Variants in ARFIP1 observed in about 807,000 individuals in gnomAD.
The protein encoded by ARFIP1 is arfaptin-1.
A neutral mutation model predicts 42.5 loss-of-function variants in ARFIP1; 24 were observed. That is an observed-to-expected ratio of 0.57 (90% confidence interval 0.41 to 0.80). The LOEUF (loss-of-function observed/expected upper bound fraction) is 0.80, where lower values mean the gene tolerates loss of function less well. ARFIP1 is among the 30% of genes least tolerant of loss of function. The pLI, the probability that ARFIP1 is intolerant of heterozygous loss-of-function variation, is 0.00. For missense variants in ARFIP1, 354 were observed against 434.0 expected, an observed-to-expected ratio of 0.82 and a Z score of 1.64; for synonymous variants, 141 against 153.7, an observed-to-expected ratio of 0.92 and a Z score of 0.61.
intron 1 of ARFIP1, among the ~76,000 whole-genome samples, chr4:152,815,738 CTTTTTTTTTT>C: frequency 1.2e-5 from 1 of 85,568 alleles, no homozygotes; most frequent in South Asian, 4.5e-4. Context: ...CTGACCACTT[CTTTTTTTTTT>C]TTTTTTTTTT....
At chr4:152,839,133 A>G (rs1248526017) in intron 2 of ARFIP1, among the ~76,000 whole-genome samples, 1 of 152,176 alleles carries the variant, frequency 6.6e-6, no homozygotes, top group Non-Finnish European at 1.5e-5. Context: ...TATGAAACCC[A>G]CTTGATCATG....
intron 1 of ARFIP1, among the ~76,000 whole-genome samples, chr4:152,786,934 C>T (rs1730844647): frequency 6.6e-6 from 1 of 152,216 alleles, no homozygotes; most frequent in Admixed American, 6.5e-5. Flanking sequence ...CTTCACACCT[C>T]AGCTGAAGTT....
At chr4:152,897,885 T>G (rs1737477612) in intron 8 of ARFIP1, among the ~76,000 whole-genome samples, 1 of 152,162 alleles carries the variant, frequency 6.6e-6, no homozygotes, top group Non-Finnish European at 1.5e-5. Flanking sequence ...GTAGTTATGG[T>G]TCCTTCAGTT....
intron 8 of ARFIP1, among the ~76,000 whole-genome samples, chr4:152,890,876 A>G (rs1478972211): frequency 1.3e-5 from 2 of 152,180 alleles, no homozygotes; most frequent in Non-Finnish European, 2.9e-5. Flanking sequence ...TCTATTCTCA[A>G]GGATTTTATG....
At chr4:152,794,556 C>G (rs1401010706) in intron 1 of ARFIP1, among the ~76,000 whole-genome samples, 1 of 152,150 alleles carries the variant, frequency 6.6e-6, no homozygotes, top group East Asian at 1.9e-4. Context: ...AAGTTACTAT[C>G]TTTCCCTTTT....
At chr4:152,846,597 A>G (rs752717441) in intron 2 of ARFIP1, among the ~76,000 whole-genome samples, 2 of 145,960 alleles carry the variant, frequency 1.4e-5, no homozygotes, top group African/African-American at 2.4e-5. Flanking sequence ...AGGAATAAAT[A>G]GGAAAATTGC....
chr4:152,870,164 C>T (rs1189760430), intron 3 of ARFIP1, among the ~76,000 whole-genome samples: 1 of 152,108 alleles, frequency 6.6e-6, no homozygotes. Context: ...TTCTAACAAG[C>T]GTCCAGGTGA....
intron 5 of ARFIP1, among the ~76,000 whole-genome samples, chr4:152,877,330 A>C (rs1321338601): frequency 6.6e-6 from 1 of 152,142 alleles, no homozygotes; most frequent in Admixed American, 6.5e-5. Flanking sequence ...TGAGACCTGG[A>C]GATCATTTTG....
chr4:152,899,014 C>G (rs1376853770), intron 8 of ARFIP1, among the ~76,000 whole-genome samples: 2 of 152,156 alleles, frequency 1.3e-5, no homozygotes, highest in African/African-American at 4.8e-5. Context: ...AGCACAGGGT[C>G]TGCTGATCCC....
In ARFIP1 at chr4:152,904,180, G is replaced by GTA. The variant is rs1190234270; in HGVS notation, c.967-5866_967-5865dup. 3.4e-3 allele frequency among the ~76,000 whole-genome samples: 438 copies of GTA among 130,538 alleles called. 2 individuals carry two copies. Among genetic ancestry groups the GTA allele is most frequent in the Non-Finnish European group, 4.3e-3 (272 of 63,312 alleles). 85.6% of individuals were successfully genotyped at this position (130,538 alleles called of 152,430 possible). On this transcript the variant is annotated intron_variant, in intron 8 of 8. Transcript: ENST00000353617. ...CACCTATATATATATGTGTGTGTGTGTATATATATATATATATATTTTTTT... is the reference window on the plus strand; with the variant it reads ...CACCTATATATATATGTGTGTGTGTGTATATATATATATATATATATTTTTTT...
rs1328457997 is a variant in ARFIP1 at position 152,870,845 on chromosome 4, G to A, written c.295G>A (p.Ala99Thr). 6.2e-7 allele frequency: 1 copy of A among 1,611,332 alleles called. No homozygotes were observed. The highest frequency in any genetic ancestry group is 1.3e-5 in the African/African-American group (1 of 74,972). Residue 99 changes from alanine to threonine, a missense_variant, in exon 4 of 9, where the codon GCA (alanine) becomes ACA (threonine). Ala to Thr is a moderately conservative substitution (Grantham distance 58). Transcript: ENST00000353617. ...AQQGSDLIVP[A>T]GGQRTQTKSG... ...GCAAGGAAGTGATTTAATTGTTCCT[G>A]CAGGTATTCACTGCACTGATTGGAT...
chr4:152,795,110 T>C (rs1177433362), intron 1 of ARFIP1, among the ~76,000 whole-genome samples: 1 of 152,216 alleles, frequency 6.6e-6, no homozygotes, highest in Non-Finnish European at 1.5e-5. Flanking sequence ...CTTTCTCACC[T>C]GCCCAGGGTA....
chr4:152,901,018 A>T (rs1177797455), intron 8 of ARFIP1, among the ~76,000 whole-genome samples: 1 of 152,142 alleles, frequency 6.6e-6, no homozygotes, highest in Non-Finnish European at 1.5e-5. Context: ...TTCAATGGCA[A>T]AACCTGCGAT....
At chr4:152,798,138 T>C (rs1731585870) in intron 1 of ARFIP1, among the ~76,000 whole-genome samples, 1 of 152,150 alleles carries the variant, frequency 6.6e-6, no homozygotes, top group Non-Finnish European at 1.5e-5. Context: ...TAATTCCAGC[T>C]ACTCTGGGTG....
chr4:152,784,904 C>T lies in ARFIP1; in HGVS notation c.-10+4678C>T, dbSNP rs184922176. ...AGCTCCTTGATGTTGAAGCTTGAGC[C>T]TCATTGGTCCCTGGGGAACAGTGAC... On this transcript the variant is annotated intron_variant, in intron 1 of 8. Transcript: ENST00000353617. 3.9e-5 allele frequency among the ~76,000 whole-genome samples: 6 copies of T among 152,280 alleles called. No homozygotes were observed. In the East Asian group the frequency reaches 1.2e-3, roughly 29 times the overall value.
intron 7 of ARFIP1, among the ~76,000 whole-genome samples, chr4:152,885,230 T>C (rs1477519039): frequency 6.6e-6 from 1 of 152,116 alleles, no homozygotes; most frequent in Non-Finnish European, 1.5e-5. Context: ...TTTACTGACT[T>C]TTAGGGCAAG....
intron 1 of ARFIP1, among the ~76,000 whole-genome samples, chr4:152,824,563 C>T (rs555017315): frequency 6.6e-6 from 1 of 152,280 alleles, no homozygotes; most frequent in East Asian, 1.9e-4. Context: ...CCATATGTGA[C>T]ACACTCAACA....
At chr4:152,851,548 G>A (rs1732982731) in intron 2 of ARFIP1, among the ~76,000 whole-genome samples, 1 of 152,152 alleles carries the variant, frequency 6.6e-6, no homozygotes, top group African/African-American at 2.4e-5. Flanking sequence ...CCATATTGAA[G>A]AGTTTAGTCT....
intron 5 of ARFIP1, 149 bp from the exon 6 acceptor site, chr4:152,880,814 T>C (rs1578998101): frequency 4.9e-6 from 3 of 612,312 alleles, no homozygotes; most frequent in East Asian, 2.8e-5. Flanking sequence ...GAATTTACTT[T>C]CTGAGTCCTG....
Sources: allele counts gnomAD v4.1 joint callset (sites outside exome capture counted in the v4.1 genomes callset), GRCh38; gene constraint gnomAD v4.1.1; transcripts MANE v1.5; gene names NCBI Gene and HGNC (gene_info 2026-07-23, HGNC 2026-07-21).